LRP6: variants seen among roughly 807,000 people sequenced by gnomAD.
The protein encoded by LRP6 is low-density lipoprotein receptor-related protein 6.
A neutral mutation model predicts 184.1 loss-of-function variants in LRP6; 43 were observed. The ratio of observed to expected loss-of-function variants is 0.23; its 90% CI spans 0.18 to 0.30. The LOEUF is 0.30. Ranked by LOEUF, LRP6 falls within the 10% of genes least tolerant of loss-of-function variation. LRP6 has a pLI of 1.00. For missense variants in LRP6, 1,571 were observed against 2,005.3 expected, an observed-to-expected ratio of 0.78 and a Z score of 4.14; for synonymous variants, 719 against 684.9, an observed-to-expected ratio of 1.05 and a Z score of -0.78.
chr12:12,121,133 G>T lies in LRP6; in HGVS notation c.4835C>A (p.Ser1612Tyr). The stretch of plus-strand genomic sequence containing the variant: ...GAGGAGGAGGGCCCCTCCTCAGGAG[G>T]AGTCTGTACAGGGAGAGGGTGGCGG... ...YPPPPSPCTD[S>Y]S is the part of the protein sequence containing the mutation. The change falls in exon 23 of 23, where the codon TCC (serine) becomes TAC (tyrosine). Residue 1612 changes from serine (S) to tyrosine (Y), a missense_variant. Physicochemically the swap from Ser to Tyr is moderately radical, Grantham distance 144 (BLOSUM62 -2). Coordinates refer to ENST00000261349, the MANE Select transcript of LRP6 (RefSeq NM_002336.3). 6.2e-7 allele frequency: 1 copy of T among 1,601,730 alleles called. No individual in the cohort carries two copies. The highest frequency in any genetic ancestry group is 8.5e-7 in the Non-Finnish European group (1 of 1,171,418).
intron 12 of LRP6, among the ~76,000 whole-genome samples, chr12:12,152,845 C>T (rs1453521329): frequency 6.6e-6 from 1 of 152,154 alleles, no homozygotes; most frequent in Non-Finnish European, 1.5e-5. Context: ...TACATTTACA[C>T]TCAAATGAAT....
intron 16 of LRP6, among the ~76,000 whole-genome samples, chr12:12,135,615 T>C (rs1949827758): frequency 1.3e-5 from 2 of 151,574 alleles, no homozygotes; most frequent in Non-Finnish European, 2.9e-5. Context: ...TGCCTCAGCC[T>C]CCCGAGTAGC....
chr12:12,129,839 C>T (rs1446902058), intron 19 of LRP6, among the ~76,000 whole-genome samples: 3 of 152,240 alleles, frequency 2.0e-5, no homozygotes, highest in South Asian at 2.1e-4. Context: ...TGTGAGCCAG[C>T]GCACTGGCAC....
chr12:12,233,194 G>T (rs1203538061), intron 2 of LRP6, among the ~76,000 whole-genome samples: 1 of 152,072 alleles, frequency 6.6e-6, no homozygotes, highest in Non-Finnish European at 1.5e-5. Context: ...TTGTCTGGGC[G>T]CGGTGGCTCA....
intron 1 of LRP6, among the ~76,000 whole-genome samples, chr12:12,246,857 T>A (rs1865199520): frequency 6.6e-6 from 1 of 152,230 alleles, no homozygotes; most frequent in Non-Finnish European, 1.5e-5. Context: ...ATGTTTACAC[T>A]ATAGATTGTG....
At chr12:12,143,355 G>T (rs1486430836) in intron 15 of LRP6, among the ~76,000 whole-genome samples, 1 of 152,096 alleles carries the variant, frequency 6.6e-6, no homozygotes, top group African/African-American at 2.4e-5. Flanking sequence ...TCAATTTAAT[G>T]CAAACCCAAT....
chr12:12,116,026 T>G lies in LRP6; in HGVS notation c.*5100A>C, dbSNP rs1949516398. 6.6e-6 allele frequency: 1 copy of G among 152,224 alleles called. No individual in the cohort carries two copies. The highest frequency in any genetic ancestry group is 2.1e-4 in the South Asian group (1 of 4,832). 9.4% of individuals were successfully genotyped at this position (152,224 alleles called of 1,614,324 possible). ...TTGCTGAAAAGAAAGGACAGACACTTTTACTTTTCCACTGTTTTATTACAA... is the reference window on the plus strand; with the variant it reads ...TTGCTGAAAAGAAAGGACAGACACTGTTACTTTTCCACTGTTTTATTACAA... On this transcript the variant is annotated 3_prime_UTR_variant, in exon 23 of 23. Transcript: ENST00000261349.
At chr12:12,249,210 T>C (rs1331174931) in intron 1 of LRP6, 4 of 785,676 alleles carry the variant, frequency 5.1e-6, no homozygotes, top group Non-Finnish European at 9.0e-6. Context: ...TGGACCTAAA[T>C]ACCCAGAAGC....
intron 3 of LRP6, among the ~76,000 whole-genome samples, chr12:12,198,254 C>G (rs1312387977): frequency 6.6e-6 from 1 of 152,088 alleles, no homozygotes; most frequent in Non-Finnish European, 1.5e-5. Context: ...TATAGTTGTT[C>G]ATAGTTGTTC....
At chr12:12,229,034 G>C (rs760011496) in intron 2 of LRP6, among the ~76,000 whole-genome samples, 1 of 152,166 alleles carries the variant, frequency 6.6e-6, no homozygotes, top group Non-Finnish European at 1.5e-5. Flanking sequence ...ACATTCTCAA[G>C]ATCTGCTAGG....
intron 12 of LRP6, chr12:12,155,610 GA>G: frequency 3.5e-6 from 3 of 845,876 alleles, no homozygotes; most frequent in African/African-American, 1.7e-5. Context: ...AAAGTTATCA[GA>G]AAAAGAAGGA....
chr12:12,244,364 G>C lies in LRP6; in HGVS notation c.347C>G (p.Thr116Ser). The change falls in exon 2 of 23, where the codon ACT becomes AGT. Residue 116 changes from threonine (T) to serine (S), a missense_variant. Thr to Ser is a moderately conservative substitution (Grantham distance 58, BLOSUM62 1). Around this residue, in one of 4 missense-constraint regions of LRP6, gnomAD observed 640 missense variants for 851.9 expected, o/e 0.75. Transcript: ENST00000261349. Reference protein sequence around the residue: ...GEKLYWTDSETNRIEVSNLDG... With the variant: ...GEKLYWTDSESNRIEVSNLDG... ...TAAATTAGAAACTTCAATCCGATTA[G>C]TTTCAGAATCTGTCCAGTACAATTT... is the stretch of plus-strand genomic sequence containing the variant. 1.2e-6 allele frequency: 2 copies of C among 1,614,146 alleles called. No homozygotes were observed. Among genetic ancestry groups the C allele is most frequent in the Admixed American group, 1.7e-5 (1 of 60,012 alleles).
At chr12:12,142,788 G>A (rs1242943209) in intron 15 of LRP6, among the ~76,000 whole-genome samples, 1 of 152,096 alleles carries the variant, frequency 6.6e-6, no homozygotes, top group Non-Finnish European at 1.5e-5. Flanking sequence ...ATTTATCCCA[G>A]TAAACTGGGG....
intron 1 of LRP6, chr12:12,249,059 G>T: frequency 1.5e-6 from 1 of 686,936 alleles, no homozygotes; most frequent in African/African-American, 1.8e-5. Context: ...ACTCAAAGAA[G>T]GCCAGAAAGG....
At position 12,118,436 on chromosome 12, in the gene LRP6, A is replaced by G. The variant is rs989304906; in HGVS notation, c.*2690T>C. ...AGTTAGTGCATATATTTTAGGACACATGTTCAAAATAAATACTTTTGCATA... is the reference window on the plus strand; with the variant it reads ...AGTTAGTGCATATATTTTAGGACACGTGTTCAAAATAAATACTTTTGCATA... On this transcript the variant is annotated 3_prime_UTR_variant, in exon 23 of 23. Coordinates refer to ENST00000261349, the MANE Select transcript of LRP6 (RefSeq NM_002336.3). 3 of 152,248 alleles carry G rather than the reference A, an allele frequency of 2.0e-5. No individual in the cohort carries two copies. Among genetic ancestry groups the G allele is most frequent in the Non-Finnish European group, 2.9e-5 (2 of 68,036 alleles). The allele number at this position is 152,248 out of a possible 1,614,324, so 9.4% of individuals were successfully genotyped here. A position where few individuals can be genotyped will look rare whatever the true frequency, so the allele number is the denominator to read the frequency against.
At chr12:12,260,891 AGAG>A (rs1236296008) in intron 1 of LRP6, among the ~76,000 whole-genome samples, 2 of 152,226 alleles carry the variant, frequency 1.3e-5, no homozygotes, top group African/African-American at 4.8e-5. Context: ...AATCTTTCTC[AGAG>A]TAGTTACCCA....
chr12:12,162,177 A>G lies in LRP6; in HGVS notation c.2279+16T>C, dbSNP rs1862757300. 3.7e-6 allele frequency: 6 copies of G among 1,605,070 alleles called. No individual in the cohort carries two copies. Among genetic ancestry groups the G allele is most frequent in the African/African-American group, 2.7e-5 (2 of 74,862 alleles). On this transcript the variant is annotated intron_variant, in intron 10 of 22. Coordinates refer to ENST00000261349, the MANE Select transcript of LRP6 (RefSeq NM_002336.3). ...TACACTGCAGTTGCAAAGAATGCAC[A>G]TGTAAAGCTGTTTACCCTTCGGCAG...
intron 15 of LRP6, among the ~76,000 whole-genome samples, chr12:12,142,280 T>A (rs546729701): frequency 6.6e-6 from 1 of 152,138 alleles, no homozygotes; most frequent in South Asian, 2.1e-4. Context: ...CTGGCGGTAA[T>A]GAAAGGATGG....
At chr12:12,241,208 A>C (rs1865056365) in intron 2 of LRP6, among the ~76,000 whole-genome samples, 1 of 152,164 alleles carries the variant, frequency 6.6e-6, no homozygotes, top group Non-Finnish European at 1.5e-5. Flanking sequence ...TGTGAACCTC[A>C]TAATCCAGGA....
Sources: allele counts gnomAD v4.1 joint callset (sites outside exome capture counted in the v4.1 genomes callset), GRCh38; gene constraint gnomAD v4.1.1; regional missense constraint gnomAD v4.1.1; transcripts MANE v1.5; gene names NCBI Gene and HGNC (gene_info 2026-07-23, HGNC 2026-07-21).